The following IL5RA variants were observed in gnomAD, a reference collection of about 807,000 sequenced individuals.
The protein encoded by IL5RA is interleukin-5 receptor subunit alpha.
Under a neutral mutation model 50.0 loss-of-function variants are expected in IL5RA, and 49 were observed. The ratio of observed to expected loss-of-function variants is 0.98; its 90% confidence interval spans 0.78 to 1.24. IL5RA has a LOEUF of 1.24. Ranked by LOEUF, IL5RA falls within the 50% of genes most tolerant of loss-of-function variation. IL5RA has a pLI of 0.00. For synonymous variants in IL5RA, 202 were observed against 174.0 expected, an observed-to-expected ratio of 1.16 and a Z score of -1.26; for missense variants, 600 against 500.4, an observed-to-expected ratio of 1.20 and a Z score of -1.90.
intron 9 of IL5RA, among the ~76,000 whole-genome samples, chr3:3,079,998 C>G (rs1351994781): frequency 6.6e-6 from 1 of 152,048 alleles, no homozygotes; most frequent in Non-Finnish European, 1.5e-5. Context: ...CGCAACTGCA[C>G]TCCAGCCTGG....
At chr3:3,077,609 A>G (rs1448286016) in intron 9 of IL5RA, among the ~76,000 whole-genome samples, 1 of 152,178 alleles carries the variant, frequency 6.6e-6, no homozygotes, top group Non-Finnish European at 1.5e-5. Context: ...TCTCTACTAA[A>G]AATACAAATA....
chr3:3,101,958 G>T, intron 4 of IL5RA, 128 bp from the exon 5 acceptor site: 1 of 864,278 alleles, frequency 1.2e-6, no homozygotes, highest in Non-Finnish European at 1.7e-6. Flanking sequence ...AGTTTTGCTA[G>T]AAAAAAAGTC....
At position 3,102,161 on chromosome 3, in the gene IL5RA, C is replaced by G. The variant is rs1299250292; in HGVS notation, c.229-331G>C. 3.3e-5 allele frequency among the ~76,000 whole-genome samples: 5 copies of G among 152,344 alleles called. 1 individual carries two copies. The East Asian group carries it at 9.6e-4, about 29-fold the overall frequency. On this transcript the variant is annotated intron_variant, in intron 4 of 11. Transcript: ENST00000446632. ...GAAAAATAGTGAATATGAATCACTT[C>G]TCCCTTTGTTTGACTTTATTGCACA...
intron 2 of IL5RA, 108 bp downstream of exon 2, chr3:3,108,442 T>C (rs1704034054): frequency 6.6e-6 from 1 of 152,248 alleles, no homozygotes; most frequent in Admixed American, 6.5e-5. Context: ...CTTGAGTATT[T>C]GGAAAAATAG....
chr3:3,067,160 C>T lies in IL5RA; in HGVS notation c.*3065G>A, dbSNP rs1216073420. 1 of 152,240 alleles carries T rather than the reference C, an allele frequency of 6.6e-6. No individual in the cohort carries two copies. Among genetic ancestry groups the T allele is most frequent in the East Asian group, 1.9e-4 (1 of 5,198 alleles). The allele number at this position is 152,240 out of a possible 1,614,324, so 9.4% of individuals were successfully genotyped here. The stretch of plus-strand genomic sequence containing the variant: ...ACAGTGAGCCACTTCTGAAATGCCT[C>T]TTACACAGCAATTTATACATAACCA... On this transcript the variant is annotated 3_prime_UTR_variant, in exon 12 of 12. Transcript: ENST00000446632.
chr3:3,101,641 T>G, intron 5 of IL5RA, 51 bp downstream of exon 5: 1 of 1,572,374 alleles, frequency 6.4e-7, no homozygotes, highest in South Asian at 1.2e-5. Flanking sequence ...TACTTTTCCA[T>G]ATTTGCAAAG....
chr3:3,079,058 T>C (rs2125957206), intron 9 of IL5RA, among the ~76,000 whole-genome samples: 1 of 152,308 alleles, frequency 6.6e-6, no homozygotes, highest in South Asian at 2.1e-4. Flanking sequence ...TATCTCTTCT[T>C]AGATGGCCCT....
chr3:3,092,163 G>T lies in IL5RA; in HGVS notation c.994+61C>A. 6.3e-7 allele frequency: 1 copy of T among 1,587,950 alleles called. No individual in the cohort carries two copies. On this transcript the variant is annotated intron_variant, in intron 9 of 11. Coordinates refer to ENST00000446632, the MANE Select transcript of IL5RA (RefSeq NM_175726.4). The surrounding 1 kb of genome is among the most constrained non-coding windows in gnomAD (Gnocchi z 4.2). Reference sequence around the variant, plus strand: ...CCCACGAGTGAACGGGTACGTTTCTGGGATTACCTTTTTTGATCACAAGGA... The same window carrying T: ...CCCACGAGTGAACGGGTACGTTTCTTGGATTACCTTTTTTGATCACAAGGA...
At chr3:3,107,532 G>A (rs1364249936) in intron 2 of IL5RA, among the ~76,000 whole-genome samples, 3 of 152,042 alleles carry the variant, frequency 2.0e-5, no homozygotes, top group African/African-American at 7.2e-5. Flanking sequence ...CAATATGTTC[G>A]ACTCATTCTT....
At chr3:3,102,485 G>T (rs547631170) in intron 4 of IL5RA, among the ~76,000 whole-genome samples, 190 bp downstream of exon 4, 1 of 152,326 alleles carries the variant, frequency 6.6e-6, no homozygotes, top group African/African-American at 2.4e-5. Context: ...CTGTGATGCT[G>T]TTTAACGCTG....
chr3:3,095,816 C>T (rs1201376724), intron 7 of IL5RA, among the ~76,000 whole-genome samples: 1 of 152,104 alleles, frequency 6.6e-6, no homozygotes, highest in African/African-American at 2.4e-5. Context: ...TTTCCCTGGA[C>T]CTTCCACCAA....
At chr3:3,076,747 G>T in intron 9 of IL5RA, 120 bp from the exon 10 acceptor site, 2 of 590,882 alleles carry the variant, frequency 3.4e-6, no homozygotes, top group Non-Finnish European at 3.0e-6. Context: ...GTGCTGGGTG[G>T]TGTTGGGCAA....
rs546739394 is a variant in IL5RA at position 3,099,593 on chromosome 3, C to T, written c.368-1303G>A. Reference sequence around the variant, plus strand: ...GCAATGAACCAAGATCATACCACTACACTCCAGCCTGGGCAACAGAGTGAG... The same window carrying T: ...GCAATGAACCAAGATCATACCACTATACTCCAGCCTGGGCAACAGAGTGAG... On this transcript the variant is annotated intron_variant, in intron 5 of 11. Coordinates refer to ENST00000446632, the MANE Select transcript of IL5RA (RefSeq NM_175726.4). Among the ~76,000 whole-genome samples the T allele has an allele frequency of 1.2e-4, 19 of 152,080 alleles. No homozygotes were observed. The South Asian group carries it at 3.9e-3, about 32-fold the overall frequency.
rs1297513765 is a variant in IL5RA at position 3,068,609 on chromosome 3, C to CAAAA, written c.*1612_*1615dup. The CAAAA allele has an allele frequency of 1.8e-5, 1 of 55,428 alleles. No individual in the cohort carries two copies. Among genetic ancestry groups the CAAAA allele is most frequent in the African/African-American group, 5.2e-5 (1 of 19,318 alleles). 3.4% of individuals were successfully genotyped at this position (55,428 alleles called of 1,614,324 possible). ...CCACAAAAAAAAAAAAAAAAAAAAACAAAAACAGGTTTGAGATTATGAATC... is the reference window on the plus strand; with the variant it reads ...CCACAAAAAAAAAAAAAAAAAAAAACAAAAAAAAACAGGTTTGAGATTATGAATC... On this transcript the variant is annotated 3_prime_UTR_variant, in exon 12 of 12. Coordinates refer to ENST00000446632, the MANE Select transcript of IL5RA (RefSeq NM_175726.4).
rs1320934486 is a variant in IL5RA, at chr3:3,076,610, G to T, written c.1012C>A (p.Pro338Thr). ...ACAATGACAAACCACTCTCTCAAGG[G>T]CTTGTGTTCATCATTTCCTGGTGGA... is the stretch of plus-strand genomic sequence containing the variant. ...PIYVGNDEHK[P>T]LREWFVIVIM... Residue 338 changes from proline to threonine, a missense_variant, in exon 10 of 12, where the codon CCC becomes ACC. By Grantham distance (38) the Pro-to-Thr change is conservative. Coordinates refer to ENST00000446632, the MANE Select transcript of IL5RA (RefSeq NM_175726.4). 4 of 1,606,884 alleles carry T rather than the reference G, an allele frequency of 2.5e-6. No individual in the cohort carries two copies. Among genetic ancestry groups the T allele is most frequent in the Non-Finnish European group, 1.7e-6 (2 of 1,175,310 alleles).
chr3:3,096,636 A>AT (rs1703380536), intron 7 of IL5RA, among the ~76,000 whole-genome samples: 1 of 152,170 alleles, frequency 6.6e-6, no homozygotes, highest in African/African-American at 2.4e-5. Context: ...GATCATATCC[A>AT]TTTTCATATT....
At chr3:3,077,857 G>A (rs144252308) in intron 9 of IL5RA, among the ~76,000 whole-genome samples, 55 of 152,238 alleles carry the variant, frequency 3.6e-4, no homozygotes, top group African/African-American at 5.3e-4. Context: ...CTAACCTGCC[G>A]GATTGAATAA....
chr3:3,085,967 T>G (rs1479815999), intron 9 of IL5RA, among the ~76,000 whole-genome samples: 1 of 151,076 alleles, frequency 6.6e-6, no homozygotes. Flanking sequence ...CATGAATGAG[T>G]GATCTGAAAA....
chr3:3,073,921 GTATT>G, intron 11 of IL5RA: 1 of 329,752 alleles, frequency 3.0e-6, no homozygotes, highest in East Asian at 9.3e-5. Flanking sequence ...AATCAAGACA[GTATT>G]GTATTGGCAT....
Sources: gnomAD v4.1 joint callset for allele counts (sites outside exome capture counted in the v4.1 genomes callset) on GRCh38, gnomAD v4.1.1 for gene constraint, Gnocchi (gnomAD v3.1) non-coding constraint, MANE v1.5 for transcripts, NCBI Gene and HGNC (gene_info 2026-07-23, HGNC 2026-07-21) for gene names.